Variants in CDK16 observed in about 807,000 individuals in gnomAD.
CDK16 encodes the protein cyclin dependent kinase 16, also known as cyclin-dependent kinase 16.
CDK16 carries 2 observed loss-of-function variants against 41.6 expected under a neutral mutation model. That is an observed-to-expected ratio of 0.05 (90% confidence interval 0.02 to 0.15). The LOEUF is 0.15. Ranked by LOEUF, CDK16 falls within the 10% of genes least tolerant of loss-of-function variation. The pLI is 1.00. For synonymous variants in CDK16, 169 were observed against 169.7 expected (o/e 1.00, Z 0.03); for missense variants, 228 against 428.9 (o/e 0.53, Z 4.14).
At position 47,226,311 on chromosome X, in the gene CDK16, C is replaced by T. The variant is rs1352973144; in HGVS notation, c.825C>T (p.Ala275=). 1 of 1,211,045 alleles carries T rather than the reference C, an allele frequency of 8.3e-7. No homozygotes were observed. Among genetic ancestry groups the T allele is most frequent in the Non-Finnish European group, 1.1e-6 (1 of 895,125 alleles). ...LFLFQLLRGL[A]YCHRQKVLHR... ...TGTTCCAGCTGCTCCGTGGCCTGGC[C>T]TACTGCCACCGGCAGAAGGTGCTAC... The change falls in exon 9 of 16, where the codon GCC becomes GCT. Residue 275 remains alanine (A), a synonymous_variant. Coordinates refer to ENST00000357227, the MANE Select transcript of CDK16 (RefSeq NM_006201.5).
intron 2 of CDK16, 66 bp from the exon 3 acceptor site, chrX:47,224,319 G>T (rs764359210): frequency 1.8e-6 from 2 of 1,087,970 alleles, no homozygotes. Context: ...TATGTTTCGT[G>T]GGGGATGGGG....
At chrX:47,223,813 G>A (rs781739652) in intron 2 of CDK16, 54 bp downstream of exon 2, 6 of 1,053,389 alleles carry the variant, frequency 5.7e-6, no homozygotes, top group Middle Eastern at 3.2e-4. Context: ...CTTCCCAGGT[G>A]TTGCCTCCTG....
At chrX:47,223,528 T>C in intron 1 of CDK16, 24 bp from the exon 2 acceptor site, 1 of 1,199,687 alleles carries the variant, frequency 8.3e-7, no homozygotes, top group Non-Finnish European at 1.1e-6. Flanking sequence ...AAGAGACCCA[T>C]TTCCATCCTT....
upstream of CDK16, chrX:47,218,671 C>A: frequency 4.3e-6 from 5 of 1,167,720 alleles, no homozygotes; most frequent in Non-Finnish European, 5.7e-6. Context: ...CGAGGTGAGT[C>A]CCCTCCTTTC....
intron 1 of CDK16, 133 bp downstream of exon 1, chrX:47,219,238 G>T: frequency 1.5e-6 from 1 of 656,406 alleles, no homozygotes; most frequent in Non-Finnish European, 1.8e-6. Context: ...GCACCGGGGC[G>T]GGGGGTCATT....
chrX:47,223,890 C>A, intron 2 of CDK16, 131 bp downstream of exon 2: 2 of 526,347 alleles, frequency 3.8e-6, no homozygotes, highest in Non-Finnish European at 6.3e-6. Flanking sequence ...CTCTTCTCCC[C>A]CTTCCCTCCC....
Position 47,223,726 on chromosome X carries a change from C to T in CDK16, c.169C>T (p.Arg57Cys), listed in dbSNP as rs752502574. The change falls in exon 2 of 16, where the codon CGT becomes TGT. Residue 57 changes from arginine (R) to cysteine (C), a missense_variant. Arg to Cys is a radical substitution (Grantham distance 180, BLOSUM62 -3). Around this residue, in one of 3 missense-constraint regions of CDK16, gnomAD observed 71 missense variants for 102.2 expected, o/e 0.69. Transcript: ENST00000357227. ...APTRAAPGEL[R>C]SARGPLSSAP... ...CACACGTGCTGCTCCTGGGGAACTT[C>T]GTTCTGCACGGGGCCCACTCAGCTC... 10 of 1,206,595 alleles carry T rather than the reference C, an allele frequency of 8.3e-6. No individual in the cohort carries two copies. The highest frequency in any genetic ancestry group is 1.8e-5 in the African/African-American group (1 of 56,782).
chrX:47,224,304 T>C (rs1937482476), intron 2 of CDK16, 81 bp from the exon 3 acceptor site: 7 of 1,037,752 alleles, frequency 6.7e-6, no homozygotes, highest in African/African-American at 1.9e-5. Context: ...TGTGTGATGA[T>C]GGAATATGTT....
intron 7 of CDK16, 34 bp downstream of exon 7, chrX:47,225,900 G>A: frequency 1.7e-6 from 2 of 1,193,234 alleles, no homozygotes; most frequent in Non-Finnish European, 2.3e-6. Flanking sequence ...CCAGGGGGAG[G>A]TGAGGAGAAG....
intron 1 of CDK16, among the ~76,000 whole-genome samples, chrX:47,221,224 T>C (rs765571634): frequency 9.0e-6 from 1 of 111,241 alleles, no homozygotes; most frequent in Non-Finnish European, 1.9e-5. Context: ...GTGTATGTCT[T>C]TGGGGATCAG....
chrX:47,218,803 C>T lies in CDK16; in HGVS notation c.-309C>T. The T allele has an allele frequency of 8.7e-7, 1 of 1,148,727 alleles. No homozygotes were observed. The highest frequency in any genetic ancestry group is 1.2e-6 in the Non-Finnish European group (1 of 868,200). 94.7% of individuals were successfully genotyped at this position (1,148,727 alleles called of 1,213,427 possible). A position where few individuals can be genotyped will look rare whatever the true frequency, so the allele number is the denominator to read the frequency against. Reference sequence around the variant, plus strand: ...TCCGCGATCAGACCGCTCTGTGCCGCGAGCCGCCGTGAGCACTCGGATTCA... The same window carrying T: ...TCCGCGATCAGACCGCTCTGTGCCGTGAGCCGCCGTGAGCACTCGGATTCA... On this transcript the variant is annotated 5_prime_UTR_variant, in exon 1 of 16. Coordinates refer to ENST00000357227, the MANE Select transcript of CDK16 (RefSeq NM_006201.5).
chrX:47,224,785 C>A, intron 4 of CDK16, 42 bp downstream of exon 4: 1 of 1,211,334 alleles, frequency 8.3e-7, no homozygotes, highest in Non-Finnish European at 1.1e-6. Flanking sequence ...TTCTTCTCTC[C>A]CAGACCCTTC....
chrX:47,218,957 G>T lies in CDK16; in HGVS notation c.-155G>T. ...CCTCCTCCTCAGCCGGCGGCGGCCC[G>T]GGCCCAGCAACCATGGCTGAAGACT... On this transcript the variant is annotated 5_prime_UTR_variant, in exon 1 of 16. Transcript: ENST00000357227. 1 of 975,934 alleles carries T rather than the reference G, an allele frequency of 1.0e-6. No homozygotes were observed. Among genetic ancestry groups the T allele is most frequent in the South Asian group, 2.7e-5 (1 of 37,615 alleles). 80.4% of individuals were successfully genotyped at this position (975,934 alleles called of 1,213,427 possible).
intron 6 of CDK16, 35 bp downstream of exon 6, chrX:47,225,137 C>T (rs1342679022): frequency 1.0e-6 from 1 of 961,077 alleles, no homozygotes; most frequent in Admixed American, 2.5e-5. Flanking sequence ...CCAGGCTTCC[C>T]CAACCCACCC....
Position 47,229,263 on chromosome X carries a change from G to GTTT in CDK16, c.*506_*508dup. ...CCTTTTTTTGTTTGTTTCATTCATTGTTTTTTTTTTTTTAATTATTTTAAA... is the reference window on the plus strand; with the variant it reads ...CCTTTTTTTGTTTGTTTCATTCATTGTTTTTTTTTTTTTTTTAATTATTTTAAA... On this transcript the variant is annotated 3_prime_UTR_variant, in exon 16 of 16. Transcript: ENST00000357227. 6.2e-6 allele frequency: 1 copy of GTTT among 161,327 alleles called. No homozygotes were observed. The highest frequency in any genetic ancestry group is 8.3e-5 in the South Asian group (1 of 12,096). 13.3% of individuals were successfully genotyped at this position (161,327 alleles called of 1,213,427 possible).
chrX:47,229,111 C>T lies in CDK16; in HGVS notation c.*343C>T. On this transcript the variant is annotated 3_prime_UTR_variant, in exon 16 of 16. Coordinates refer to ENST00000357227, the MANE Select transcript of CDK16 (RefSeq NM_006201.5). ...AGCCCCCAGGACCACTACCCCACGG[C>T]CAGCCAGGGGTCCAGAGCTAGCCCA... The T allele has an allele frequency of 2.8e-6, 1 of 356,113 alleles. No individual in the cohort carries two copies. Among genetic ancestry groups the T allele is most frequent in the Non-Finnish European group, 5.0e-6 (1 of 198,249 alleles). The allele number at this position is 356,113 out of a possible 1,213,427, so 29.3% of individuals were successfully genotyped here.
chrX:47,223,524 C>T, intron 1 of CDK16, 28 bp from the exon 2 acceptor site: 2 of 1,191,035 alleles, frequency 1.7e-6, no homozygotes, highest in Non-Finnish European at 2.3e-6. Context: ...TAATAAGAGA[C>T]CCATTTCCAT....
intron 9 of CDK16, 73 bp downstream of exon 9, chrX:47,226,475 C>T (rs1937549332): frequency 8.4e-7 from 1 of 1,195,372 alleles, no homozygotes; most frequent in African/African-American, 1.7e-5. Flanking sequence ...TCTCACTTCC[C>T]TTCAGCCTTG....
In CDK16 at chrX:47,229,077, C is replaced by A. The variant is rs113461071; in HGVS notation, c.*309C>A. ...CCACACTGAGGCCAGGTCTACCCCC[C>A]ATCATACCAGCCCCCAGGACCACTA... is the stretch of plus-strand genomic sequence containing the variant. On this transcript the variant is annotated 3_prime_UTR_variant, in exon 16 of 16. Transcript: ENST00000357227. The A allele has an allele frequency of 8.9e-3, 3,478 of 391,890 alleles. 86 individuals are homozygous for A. The highest frequency in any genetic ancestry group is 0.08 in the African/African-American group (3,108 of 38,978). The allele number at this position is 391,890 out of a possible 1,213,427, so 32.3% of individuals were successfully genotyped here.
Sources: allele counts gnomAD v4.1 joint callset (sites outside exome capture counted in the v4.1 genomes callset), GRCh38; gene constraint gnomAD v4.1.1; regional missense constraint gnomAD v4.1.1; transcripts MANE v1.5; gene names NCBI Gene and HGNC (gene_info 2026-07-23, HGNC 2026-07-21).